Variants in CDH8 observed in about 807,000 individuals in gnomAD.
The protein encoded by CDH8 is cadherin-8.
CDH8 carries 17 observed loss-of-function variants against 68.1 expected under a neutral mutation model. The observed-to-expected ratio is 0.25, with a 90% CI of 0.17 to 0.37. The LOEUF (loss-of-function observed/expected upper bound fraction) is 0.37, where lower values mean the gene tolerates loss of function less well. Among genes scored for constraint, CDH8 ranks in the 10% least tolerant of loss-of-function variants. CDH8 has a pLI of 1.00. For missense variants in CDH8, 763 were observed against 999.3 expected, an observed-to-expected ratio of 0.76 and a Z score of 3.19; for synonymous variants, 372 against 365.1, an observed-to-expected ratio of 1.02 and a Z score of -0.21.
chr16:61,670,530 A>T (rs1567413209), intron 10 of CDH8, among the ~76,000 whole-genome samples: 1 of 151,956 alleles, frequency 6.6e-6, no homozygotes, highest in Admixed American at 6.6e-5. Flanking sequence ...ACTAATTTTT[A>T]AAAATTTTAA....
At chr16:61,867,367 G>A (rs549882708) in intron 3 of CDH8, among the ~76,000 whole-genome samples, 11 of 152,126 alleles carry the variant, frequency 7.2e-5, no homozygotes, top group Non-Finnish European at 1.3e-4. Context: ...TTTCTACAAG[G>A]GTAGACCAGT....
At chr16:61,921,266 T>G (rs1412506252) in intron 2 of CDH8, among the ~76,000 whole-genome samples, 7 of 146,590 alleles carry the variant, frequency 4.8e-5, no homozygotes, top group Admixed American at 4.2e-4. Flanking sequence ...ATAATAATAA[T>G]AATAATAAAA....
intron 7 of CDH8, among the ~76,000 whole-genome samples, chr16:61,804,087 AT>A (rs1463069193): frequency 7.3e-6 from 1 of 136,626 alleles, no homozygotes; most frequent in East Asian, 2.0e-4. Context: ...TCCTCAGCAA[AT>A]GTAAAAGAAC....
chr16:61,999,776 A>C (rs1965863511), intron 2 of CDH8, among the ~76,000 whole-genome samples: 1 of 152,100 alleles, frequency 6.6e-6, no homozygotes, highest in African/African-American at 2.4e-5. Context: ...TTGAAAAAAA[A>C]AATTATAATG....
intron 2 of CDH8, among the ~76,000 whole-genome samples, chr16:62,018,408 C>G (rs1014536208): frequency 6.6e-6 from 1 of 152,150 alleles, no homozygotes. Flanking sequence ...GTAAGTAATG[C>G]TTCTCAGCCG....
intron 3 of CDH8, among the ~76,000 whole-genome samples, chr16:61,897,074 TATATA>T (rs199664665): frequency 0.015 from 2,241 of 148,256 alleles, 56 homozygotes; most frequent in African/African-American, 0.052. Context: ...CTTTATTATA[TATATA>T]ATATAATATA....
At chr16:61,789,059 T>C (rs1961315760) in intron 8 of CDH8, among the ~76,000 whole-genome samples, 1 of 152,112 alleles carries the variant, frequency 6.6e-6, no homozygotes, top group Non-Finnish European at 1.5e-5. Context: ...CCTACTGTTT[T>C]ATACTAAATC....
chr16:61,801,639 C>T (rs1017843566), intron 7 of CDH8, among the ~76,000 whole-genome samples: 3 of 152,200 alleles, frequency 2.0e-5, no homozygotes, highest in Non-Finnish European at 2.9e-5. Context: ...CAGGGCGAGG[C>T]ATTGCCTCAC....
intron 2 of CDH8, among the ~76,000 whole-genome samples, chr16:61,985,862 A>T (rs188997687): frequency 6.7e-6 from 1 of 149,430 alleles, no homozygotes; most frequent in African/African-American, 2.5e-5. Flanking sequence ...CAACATTTGG[A>T]TATTTTTAAA....
chr16:61,695,346 A>T (rs1038043482), intron 10 of CDH8, among the ~76,000 whole-genome samples: 3 of 152,172 alleles, frequency 2.0e-5, no homozygotes, highest in Non-Finnish European at 4.4e-5. Context: ...CTGAATATTT[A>T]CTTAACACAT....
chr16:62,014,991 C>T (rs1316781910), intron 2 of CDH8, among the ~76,000 whole-genome samples: 2 of 151,182 alleles, frequency 1.3e-5, no homozygotes, highest in African/African-American at 2.4e-5. Context: ...AGCCAAAAAT[C>T]GATGTTACAT....
At chr16:61,700,728 G>T (rs1261956626) in intron 10 of CDH8, among the ~76,000 whole-genome samples, 1 of 152,170 alleles carries the variant, frequency 6.6e-6, no homozygotes, top group Non-Finnish European at 1.5e-5. Context: ...AGAAGTTACT[G>T]GTAGGAGTGA....
At chr16:61,876,834 A>G (rs1399977486) in intron 3 of CDH8, among the ~76,000 whole-genome samples, 1 of 152,052 alleles carries the variant, frequency 6.6e-6, no homozygotes, top group Admixed American at 6.6e-5. Flanking sequence ...TTTAATGGAA[A>G]GCACATTTGG....
Position 61,741,273 on chromosome 16 carries a change from T to C in CDH8, c.1415-14058A>G, listed in dbSNP as rs143069334. Among the ~76,000 whole-genome samples, 70 of 152,314 alleles carry C rather than the reference T, an allele frequency of 4.6e-4. 3 individuals are homozygous for C. The East Asian group carries it at 0.013, about 28-fold the overall frequency. On this transcript the variant is annotated intron_variant, in intron 8 of 11. Transcript: ENST00000577390. ...TTTCCTAATTGATATGCCTACACTATATTAATAATGTGAGTCCTTTAGTAG... is the reference window on the plus strand; with the variant it reads ...TTTCCTAATTGATATGCCTACACTACATTAATAATGTGAGTCCTTTAGTAG...
chr16:61,652,768 G>T lies in CDH8; in HGVS notation c.*840C>A, dbSNP rs1026759634. 4 of 1,308,702 alleles carry T rather than the reference G, an allele frequency of 3.1e-6. No homozygotes were observed. Among genetic ancestry groups the T allele is most frequent in the Admixed American group, 7.2e-5 (2 of 27,832 alleles). 81.1% of individuals were successfully genotyped at this position (1,308,702 alleles called of 1,614,324 possible). On this transcript the variant is annotated 3_prime_UTR_variant, in exon 12 of 12. Transcript: ENST00000577390. ...TGGACATCAATAAAATATTTATTTCGAGGATTAAACAAATAAATTCACGCG... is the reference window on the plus strand; with the variant it reads ...TGGACATCAATAAAATATTTATTTCTAGGATTAAACAAATAAATTCACGCG...
At chr16:62,013,486 CA>C (rs1377132536) in intron 2 of CDH8, among the ~76,000 whole-genome samples, 1 of 151,978 alleles carries the variant, frequency 6.6e-6, no homozygotes, top group South Asian at 2.1e-4. Context: ...AAGATAGATA[CA>C]AAAATGTTTA....
intron 8 of CDH8, among the ~76,000 whole-genome samples, chr16:61,774,701 G>A (rs2142990343): frequency 6.6e-6 from 1 of 152,140 alleles, no homozygotes; most frequent in East Asian, 1.9e-4. Context: ...GAGCCCCAAA[G>A]CACTATGGTA....
intron 3 of CDH8, among the ~76,000 whole-genome samples, chr16:61,878,384 T>C (rs1052644423): frequency 1.2e-4 from 18 of 152,208 alleles, no homozygotes; most frequent in African/African-American, 4.3e-4. Context: ...TAGTATGCAA[T>C]GGTGTGCTCC....
intron 2 of CDH8, among the ~76,000 whole-genome samples, chr16:61,953,051 G>A (rs969468549): frequency 2.6e-5 from 4 of 152,108 alleles, no homozygotes; most frequent in Non-Finnish European, 5.9e-5. Flanking sequence ...TCACTCTCCT[G>A]AATGGGATTA....
Sources: allele counts gnomAD v4.1 joint callset (sites outside exome capture counted in the v4.1 genomes callset), GRCh38; gene constraint gnomAD v4.1.1; transcripts MANE v1.5; gene names NCBI Gene and HGNC (gene_info 2026-07-23, HGNC 2026-07-21).